The following PLA2G4A variants were observed in gnomAD, a reference collection of about 807,000 sequenced individuals.
PLA2G4A encodes phospholipase A2 group IVA.
PLA2G4A carries 40 observed loss-of-function variants against 81.9 expected under a neutral mutation model. The observed-to-expected ratio is 0.49, with a 90% CI of 0.38 to 0.64. PLA2G4A has a LOEUF of 0.64. Ranked by LOEUF, PLA2G4A falls within the 30% of genes least tolerant of loss-of-function variation. The pLI is 0.00. For missense variants in PLA2G4A, 715 were observed against 905.1 expected (o/e 0.79, Z 2.69); for synonymous variants, 302 against 296.9 (o/e 1.02, Z -0.18).
intron 7 of PLA2G4A, among the ~76,000 whole-genome samples, chr1:186,929,471 A>G (rs1655662995): frequency 6.6e-6 from 1 of 152,220 alleles, no homozygotes; most frequent in Non-Finnish European, 1.5e-5. Context: ...GGTGTTACAG[A>G]ATCTAGAATG....
chr1:186,977,491 C>A, intron 15 of PLA2G4A, 102 bp from the exon 16 acceptor site: 1 of 751,440 alleles, frequency 1.3e-6, no homozygotes. Context: ...GAGTACATTG[C>A]TGGCACACAG....
intron 13 of PLA2G4A, among the ~76,000 whole-genome samples, chr1:186,954,795 G>A (rs1656690461): frequency 6.6e-6 from 1 of 152,080 alleles, no homozygotes; most frequent in South Asian, 2.1e-4. Flanking sequence ...GGCAGGTGAA[G>A]TTATACATTA....
At chr1:186,966,118 TAAA>T (rs10609057) in intron 15 of PLA2G4A, among the ~76,000 whole-genome samples, 30,644 of 119,172 alleles carry the variant, frequency 0.26, 3,922 homozygotes, top group Admixed American at 0.39. Flanking sequence ...GAGTGGAAGT[TAAA>T]AAAAAAAAAA....
At chr1:186,962,666 G>A (rs1453332039) in intron 14 of PLA2G4A, among the ~76,000 whole-genome samples, 2 of 151,928 alleles carry the variant, frequency 1.3e-5, no homozygotes, top group Non-Finnish European at 2.9e-5. Flanking sequence ...GACTACAGGC[G>A]CCCGCCACCG....
chr1:186,899,688 A>G (rs1188169872), intron 5 of PLA2G4A, among the ~76,000 whole-genome samples: 1 of 152,202 alleles, frequency 6.6e-6, no homozygotes, highest in Non-Finnish European at 1.5e-5. Flanking sequence ...GTTCGTGACC[A>G]GGTAATGGGG....
chr1:186,897,469 A>G (rs1400406479), intron 5 of PLA2G4A, among the ~76,000 whole-genome samples: 1 of 152,128 alleles, frequency 6.6e-6, no homozygotes, highest in South Asian at 2.1e-4. Context: ...ATGACCTAGA[A>G]AGAATACTTC....
chr1:186,926,926 A>C (rs560258381), intron 7 of PLA2G4A, among the ~76,000 whole-genome samples: 2 of 152,204 alleles, frequency 1.3e-5, no homozygotes, highest in South Asian at 4.1e-4. Flanking sequence ...ATAATTGTTA[A>C]ATTTACCATG....
chr1:186,960,101 T>C (rs1018653160), intron 14 of PLA2G4A, among the ~76,000 whole-genome samples: 4 of 152,110 alleles, frequency 2.6e-5, no homozygotes, highest in African/African-American at 9.7e-5. Context: ...CAGAAGAAAT[T>C]ATAATAGGAT....
At chr1:186,907,814 G>A (rs1654794062) in intron 6 of PLA2G4A, among the ~76,000 whole-genome samples, 2 of 152,164 alleles carry the variant, frequency 1.3e-5, no homozygotes. Flanking sequence ...GCAAGTGATT[G>A]GCATAAATGT....
intron 7 of PLA2G4A, among the ~76,000 whole-genome samples, chr1:186,921,633 A>G (rs1265483132): frequency 6.6e-6 from 1 of 151,890 alleles, no homozygotes. Flanking sequence ...GGGTGTGGTT[A>G]TCTGGTGGAG....
At chr1:186,912,059 A>C (rs1654963190) in intron 7 of PLA2G4A, among the ~76,000 whole-genome samples, 1 of 152,168 alleles carries the variant, frequency 6.6e-6, no homozygotes, top group African/African-American at 2.4e-5. Flanking sequence ...TGTTCTCCTC[A>C]GGCCCTCCAA....
At chr1:186,980,267 G>C (rs1657679098) in intron 17 of PLA2G4A, among the ~76,000 whole-genome samples, 1 of 152,116 alleles carries the variant, frequency 6.6e-6, no homozygotes, top group Non-Finnish European at 1.5e-5. Flanking sequence ...CCTTTGAGAT[G>C]TCAAGTATGC....
chr1:186,874,654 A>G (rs1267597637), intron 3 of PLA2G4A, among the ~76,000 whole-genome samples: 1 of 152,044 alleles, frequency 6.6e-6, no homozygotes, highest in Non-Finnish European at 1.5e-5. Context: ...GCTTCCAAGA[A>G]CAGGTGTAGG....
At chr1:186,918,582 G>A (rs1457373695) in intron 7 of PLA2G4A, among the ~76,000 whole-genome samples, 2 of 152,190 alleles carry the variant, frequency 1.3e-5, no homozygotes, top group Non-Finnish European at 2.9e-5. Flanking sequence ...CTCCTTGTGA[G>A]TTGATGAAGC....
intron 1 of PLA2G4A, among the ~76,000 whole-genome samples, chr1:186,839,871 GA>G (rs1420621135): frequency 1.3e-5 from 2 of 151,384 alleles, no homozygotes; most frequent in Non-Finnish European, 2.9e-5. Context: ...AGTAGAAGGG[GA>G]AAAATGTGCT....
chr1:186,965,211 G>A (rs1657088976), intron 14 of PLA2G4A, among the ~76,000 whole-genome samples, 198 bp from the exon 15 acceptor site: 1 of 152,192 alleles, frequency 6.6e-6, no homozygotes. Context: ...TTATCCTGAT[G>A]TTACAGATGA....
At chr1:186,876,939 G>A (rs993122067) in intron 3 of PLA2G4A, among the ~76,000 whole-genome samples, 4 of 152,046 alleles carry the variant, frequency 2.6e-5, no homozygotes, top group African/African-American at 9.7e-5. Context: ...CCTCTTCAGA[G>A]GTCCCACCTC....
intron 7 of PLA2G4A, among the ~76,000 whole-genome samples, chr1:186,932,234 T>C (rs890818574): frequency 1.3e-5 from 2 of 152,138 alleles, no homozygotes; most frequent in Non-Finnish European, 2.9e-5. Flanking sequence ...TTTAATGATA[T>C]CTTTTTTCTA....
At chr1:186,913,687 CTT>C (rs1302859968) in intron 7 of PLA2G4A, among the ~76,000 whole-genome samples, 4 of 152,198 alleles carry the variant, frequency 2.6e-5, no homozygotes, top group Non-Finnish European at 5.9e-5. Flanking sequence ...CTTGTACACT[CTT>C]GAATTATTTC....
Sources: allele counts gnomAD v4.1 joint callset (sites outside exome capture counted in the v4.1 genomes callset), GRCh38; gene constraint gnomAD v4.1.1; transcripts MANE v1.5; gene names NCBI Gene and HGNC (gene_info 2026-07-23, HGNC 2026-07-21).